Variants in C18orf63 observed in about 807,000 individuals in gnomAD.
The protein encoded by C18orf63 is uncharacterized protein C18orf63.
C18orf63 carries 50 observed loss-of-function variants against 75.3 expected under a neutral mutation model. The observed-to-expected ratio is 0.66, with a 90% CI of 0.53 to 0.84. C18orf63 has a LOEUF of 0.84. Among genes scored for constraint, C18orf63 ranks in the 40% least tolerant of loss-of-function variants. The probability of loss-of-function intolerance (pLI) is 0.00; values close to 1 mark genes in which losing one functional copy is unlikely to be tolerated. For synonymous variants in C18orf63, 232 were observed against 267.6 expected, an observed-to-expected ratio of 0.87 and a Z score of 1.30; for missense variants, 732 against 800.2, an observed-to-expected ratio of 0.91 and a Z score of 1.03.
At chr18:74,352,470 C>G (rs927707553) in intron 11 of C18orf63, among the ~76,000 whole-genome samples, 1 of 125,424 alleles carries the variant, frequency 8.0e-6, no homozygotes, top group African/African-American at 2.7e-5. Flanking sequence ...AAACGCTTGG[C>G]TCTTTTTAAT....
Position 74,357,457 on chromosome 18 carries a change from T to C in C18orf63, c.*1010T>C, listed in dbSNP as rs1428761430. The C allele has an allele frequency of 6.6e-6, 1 of 152,230 alleles. No individual in the cohort carries two copies. The highest frequency in any genetic ancestry group is 1.5e-5 in the Non-Finnish European group (1 of 68,036). 9.4% of individuals were successfully genotyped at this position (152,230 alleles called of 1,614,324 possible). ...GGAGCTTCTCAGACAATGAATATTA[T>C]TCTGGCTTTCAAACATTTTATATGT... On this transcript the variant is annotated 3_prime_UTR_variant, in exon 14 of 14. Transcript: ENST00000579455.
intron 4 of C18orf63, among the ~76,000 whole-genome samples, chr18:74,326,518 A>C (rs1002622136): frequency 6.6e-6 from 1 of 152,108 alleles, no homozygotes; most frequent in Non-Finnish European, 1.5e-5. Flanking sequence ...CAGCTCCCAT[A>C]CTTCGCACTG....
chr18:74,331,585 A>G (rs1420210490), intron 7 of C18orf63, among the ~76,000 whole-genome samples: 1 of 152,152 alleles, frequency 6.6e-6, no homozygotes, highest in African/African-American at 2.4e-5. Flanking sequence ...TGGAGGAAGG[A>G]TGGTGTTGCT....
chr18:74,322,748 A>G lies in C18orf63; in HGVS notation c.264A>G (p.Gly88=). 7.7e-7 allele frequency: 1 copy of G among 1,298,302 alleles called. No homozygotes were observed. The highest frequency in any genetic ancestry group is 1.5e-5 in the African/African-American group (1 of 67,828). The allele number at this position is 1,298,302 out of a possible 1,614,324, so 80.4% of individuals were successfully genotyped here. ...TTAATGCCTATGTTGAAAAATATGG[A>G]GCTAAGGTAAGTGTTAAAAAATGAT... ...RKLNAYVEKY[G]AKMEAPQRVI... is the part of the protein sequence containing the mutation. The change falls in exon 4 of 14, where the codon GGA becomes GGG. Residue 88 remains glycine, a synonymous_variant. Coordinates refer to ENST00000579455, the MANE Select transcript of C18orf63 (RefSeq NM_001174123.2).
At chr18:74,342,472 C>T in intron 10 of C18orf63, 146 bp downstream of exon 10, 1 of 570,740 alleles carries the variant, frequency 1.8e-6, no homozygotes, top group South Asian at 2.6e-5. Flanking sequence ...CTTATCTGCA[C>T]AAGTGTTTCT....
intron 13 of C18orf63, among the ~76,000 whole-genome samples, chr18:74,355,505 G>C (rs957906242): frequency 6.7e-6 from 1 of 148,318 alleles, no homozygotes; most frequent in Non-Finnish European, 1.5e-5. Context: ...AGTCATCCAG[G>C]AGGGGGGGCT....
At chr18:74,332,808 G>A (rs1984331913) in intron 7 of C18orf63, among the ~76,000 whole-genome samples, 2 of 151,536 alleles carry the variant, frequency 1.3e-5, no homozygotes, top group Non-Finnish European at 2.9e-5. Flanking sequence ...TAGTCAAATT[G>A]TAGTTTATAC....
intron 10 of C18orf63, 120 bp from the exon 11 acceptor site, chr18:74,343,399 G>T (rs1568238913): frequency 8.7e-6 from 5 of 575,588 alleles, no homozygotes; most frequent in Admixed American, 6.9e-5. Context: ...CAATATAAAA[G>T]AGTTAAGATA....
chr18:74,342,452 C>G lies in C18orf63; in HGVS notation c.794+126C>G, dbSNP rs116689264. On this transcript the variant is annotated intron_variant, in intron 10 of 13. Coordinates refer to ENST00000579455, the MANE Select transcript of C18orf63 (RefSeq NM_001174123.2). The stretch of plus-strand genomic sequence containing the variant: ...GTCTAACTGAAACTATGGTACATTT[C>G]CTCCTACTTCTTATCTGCACAAGTG... The G allele has an allele frequency of 4.9e-6, 3 of 608,650 alleles. No individual in the cohort carries two copies. The African/African-American group carries it at 5.5e-5, about 11-fold the overall frequency. 37.7% of individuals were successfully genotyped at this position (608,650 alleles called of 1,614,324 possible).
chr18:74,354,690 G>T, intron 13 of C18orf63, 144 bp downstream of exon 13: 1 of 574,698 alleles, frequency 1.7e-6, no homozygotes. Flanking sequence ...AGGACATGGT[G>T]GGAACAGTTC....
chr18:74,319,931 A>G (rs960824304), intron 2 of C18orf63, among the ~76,000 whole-genome samples: 40 of 152,332 alleles, frequency 2.6e-4, no homozygotes, highest in African/African-American at 9.4e-4. Flanking sequence ...ATTAGTATCT[A>G]AAACTTCCTA....
In C18orf63 at chr18:74,354,546, G is replaced by T; in HGVS notation, c.*33G>T. 1 of 1,271,588 alleles carries T rather than the reference G, an allele frequency of 7.9e-7. No homozygotes were observed. 78.8% of individuals were successfully genotyped at this position (1,271,588 alleles called of 1,614,324 possible). A position where few individuals can be genotyped will look rare whatever the true frequency, so the allele number is the denominator to read the frequency against. ...ACCTGAAAGAAGGAAATGTCTACCAGGTAACTGAAGTGATAGCTTTTGATT... is the reference window on the plus strand; with the variant it reads ...ACCTGAAAGAAGGAAATGTCTACCATGTAACTGAAGTGATAGCTTTTGATT... On this transcript the variant is annotated splice_region_variant and 3_prime_UTR_variant, in exon 13 of 14. Coordinates refer to ENST00000579455, the MANE Select transcript of C18orf63 (RefSeq NM_001174123.2).
At chr18:74,341,610 C>T (rs551288202) in intron 8 of C18orf63, among the ~76,000 whole-genome samples, 4 of 151,740 alleles carry the variant, frequency 2.6e-5, no homozygotes, top group Non-Finnish European at 5.9e-5. Context: ...TGGCTTGAAC[C>T]CGGGAAGCAG....
At chr18:74,320,168 A>G (rs1295058206) in intron 2 of C18orf63, among the ~76,000 whole-genome samples, 3 of 152,200 alleles carry the variant, frequency 2.0e-5, no homozygotes, top group Non-Finnish European at 2.9e-5. Flanking sequence ...ATTTATGAAG[A>G]AAAGAGGTTT....
Position 74,316,610 on chromosome 18 carries a change from C to T in C18orf63, c.-33+501C>T, listed in dbSNP as rs991903709. ...ATTGCGTAGGTGCCTGTTGCCTGCT[C>T]CTAGCACTTGTTCCTTGCCCTGCTG... On this transcript the variant is annotated intron_variant, in intron 1 of 13. Coordinates refer to ENST00000579455, the MANE Select transcript of C18orf63 (RefSeq NM_001174123.2). 2.0e-5 allele frequency among the ~76,000 whole-genome samples: 3 copies of T among 151,924 alleles called. No individual in the cohort carries two copies. In the East Asian group the frequency reaches 5.8e-4, roughly 29 times the overall value.
At chr18:74,342,659 T>C (rs898023116) in intron 10 of C18orf63, among the ~76,000 whole-genome samples, 2 of 152,162 alleles carry the variant, frequency 1.3e-5, no homozygotes, top group Non-Finnish European at 2.9e-5. Flanking sequence ...TCAGATACAA[T>C]TGAAAGGGTT....
chr18:74,350,022 G>C (rs1984640068), intron 11 of C18orf63, among the ~76,000 whole-genome samples: 1 of 152,166 alleles, frequency 6.6e-6, no homozygotes, highest in South Asian at 2.1e-4. Flanking sequence ...AATGGAGGTT[G>C]AACACCAGTC....
At chr18:74,318,056 G>A (rs1307949761) in intron 2 of C18orf63, 57 bp downstream of exon 2, 5 of 1,179,170 alleles carry the variant, frequency 4.2e-6, no homozygotes, top group Non-Finnish European at 5.5e-6. Context: ...TATAAAAGCT[G>A]TTTTAGAGGA....
At position 74,353,803 on chromosome 18, in the gene C18orf63, A is replaced by G; in HGVS notation, c.1536A>G (p.Gln512=). 6.5e-7 allele frequency: 1 copy of G among 1,535,992 alleles called. No individual in the cohort carries two copies. The highest frequency in any genetic ancestry group is 8.7e-7 in the Non-Finnish European group (1 of 1,146,810). ...ATCAGGAGAATTCCAGACCTCTGCA[A>G]GAAAAAAATACAGAGTCTTCTGAAA... ...NLNQENSRPL[Q]EKNTESSENM... Residue 512 remains glutamine (Q), a synonymous_variant, in exon 12 of 14, where the codon CAA becomes CAG. Transcript: ENST00000579455.
Sources: gnomAD v4.1 joint callset for allele counts (sites outside exome capture counted in the v4.1 genomes callset) on GRCh38, gnomAD v4.1.1 for gene constraint, MANE v1.5 for transcripts, NCBI Gene and HGNC (gene_info 2026-07-23, HGNC 2026-07-21) for gene names.